Variants in ARHGAP24 observed in about 807,000 individuals in gnomAD.
ARHGAP24 encodes rho GTPase-activating protein 24.
Under a neutral mutation model 76.4 loss-of-function variants are expected in ARHGAP24, and 50 were observed. That is an observed-to-expected ratio of 0.65 (90% confidence interval 0.52 to 0.83). The LOEUF (loss-of-function observed/expected upper bound fraction) is 0.83. ARHGAP24 is among the 40% of genes least tolerant of loss of function. The pLI is 0.00. For synonymous variants in ARHGAP24, 345 were observed against 323.3 expected (o/e 1.07, Z -0.72); for missense variants, 930 against 914.2 (o/e 1.02, Z -0.22).
At chr4:85,968,091 G>T (rs893928485) in intron 5 of ARHGAP24, among the ~76,000 whole-genome samples, 2 of 151,892 alleles carry the variant, frequency 1.3e-5, no homozygotes, top group African/African-American at 4.8e-5. Context: ...ACTGAGTTAG[G>T]TTGCAGTTAG....
chr4:85,759,588 A>G (rs1433749616), intron 3 of ARHGAP24, among the ~76,000 whole-genome samples: 1 of 152,192 alleles, frequency 6.6e-6, no homozygotes, highest in East Asian at 1.9e-4. Flanking sequence ...ACCGAGTCAC[A>G]TGATCAGAAT....
intron 3 of ARHGAP24, among the ~76,000 whole-genome samples, chr4:85,882,842 C>A (rs937816031): frequency 6.6e-6 from 1 of 152,032 alleles, no homozygotes; most frequent in African/African-American, 2.4e-5. Context: ...CTAACAAGAA[C>A]CAAACAGGAC....
intron 1 of ARHGAP24, among the ~76,000 whole-genome samples, chr4:85,536,407 T>C (rs1463153665): frequency 6.6e-6 from 1 of 152,154 alleles, no homozygotes; most frequent in Admixed American, 6.5e-5. Context: ...AATGATTTTC[T>C]TTTCAGATGA....
intron 3 of ARHGAP24, among the ~76,000 whole-genome samples, chr4:85,921,528 TTAAAA>T (rs1578390269): frequency 8.4e-6 from 1 of 119,672 alleles, no homozygotes; most frequent in Non-Finnish European, 1.7e-5. Flanking sequence ...ATCCCTGAAC[TTAAAA>T]TAAAAGTTTT....
intron 3 of ARHGAP24, among the ~76,000 whole-genome samples, chr4:85,838,825 A>C (rs1260359323): frequency 1.3e-5 from 2 of 151,660 alleles, no homozygotes. Context: ...TAACTTTGCC[A>C]AACACCTGCT....
At chr4:85,668,208 A>G (rs542728727) in intron 2 of ARHGAP24, among the ~76,000 whole-genome samples, 1 of 152,250 alleles carries the variant, frequency 6.6e-6, no homozygotes, top group Admixed American at 6.5e-5. Context: ...TAGTTGGTTT[A>G]CTCTAATACT....
intron 2 of ARHGAP24, among the ~76,000 whole-genome samples, chr4:85,658,480 A>T (rs980479862): frequency 1.3e-5 from 2 of 152,188 alleles, no homozygotes; most frequent in African/African-American, 2.4e-5. Context: ...ATATTTTCAT[A>T]AATATTATTT....
At chr4:85,837,526 C>CA (rs888056834) in intron 3 of ARHGAP24, among the ~76,000 whole-genome samples, 75 of 149,648 alleles carry the variant, frequency 5.0e-4, no homozygotes, top group South Asian at 1.7e-3. Flanking sequence ...AAGAGAAAAA[C>CA]AAAAAAAAAC....
At chr4:85,686,078 G>A (rs1312172755) in intron 2 of ARHGAP24, among the ~76,000 whole-genome samples, 1 of 152,228 alleles carries the variant, frequency 6.6e-6, no homozygotes, top group Non-Finnish European at 1.5e-5. Context: ...TCTCAGGATA[G>A]TTGGTAGTTT....
chr4:85,580,976 T>G (rs985673097), intron 2 of ARHGAP24, among the ~76,000 whole-genome samples: 1 of 152,194 alleles, frequency 6.6e-6, no homozygotes. Flanking sequence ...TACTCTTATA[T>G]TTTTGAAACT....
chr4:85,864,273 CT>C (rs1379667035), intron 3 of ARHGAP24, among the ~76,000 whole-genome samples: 3 of 152,066 alleles, frequency 2.0e-5, no homozygotes, highest in African/African-American at 7.2e-5. Context: ...CATGGCCTTG[CT>C]GTCTGCCTAA....
intron 3 of ARHGAP24, among the ~76,000 whole-genome samples, chr4:85,912,341 A>G (rs1026490165): frequency 2.0e-5 from 3 of 152,164 alleles, no homozygotes; most frequent in Non-Finnish European, 4.4e-5. Context: ...GCTCTCCCAC[A>G]CATATACACT....
At chr4:85,871,515 A>G (rs906161735) in intron 3 of ARHGAP24, among the ~76,000 whole-genome samples, 2 of 152,186 alleles carry the variant, frequency 1.3e-5, no homozygotes, top group African/African-American at 2.4e-5. Context: ...TCCTTAAACT[A>G]CATACACATA....
At chr4:85,539,120 A>T (rs188784334) in intron 1 of ARHGAP24, among the ~76,000 whole-genome samples, 13 of 152,182 alleles carry the variant, frequency 8.5e-5, no homozygotes, top group Admixed American at 7.2e-4. Context: ...AGCTTTGCAC[A>T]GTCTCTAAGA....
chr4:85,919,097 A>G (rs1735577667), intron 3 of ARHGAP24, among the ~76,000 whole-genome samples: 1 of 152,044 alleles, frequency 6.6e-6, no homozygotes, highest in Non-Finnish European at 1.5e-5. Flanking sequence ...AGACTGGGAA[A>G]CTCTCACCAC....
At chr4:85,616,419 ACT>A (rs1475816566) in intron 2 of ARHGAP24, among the ~76,000 whole-genome samples, 2 of 152,060 alleles carry the variant, frequency 1.3e-5, no homozygotes, top group Admixed American at 6.6e-5. Context: ...TGATCTTATG[ACT>A]CTCTTATTTA....
At chr4:85,564,516 A>G (rs1202847892) in intron 1 of ARHGAP24, among the ~76,000 whole-genome samples, 1 of 151,950 alleles carries the variant, frequency 6.6e-6, no homozygotes, top group East Asian at 1.9e-4. Context: ...TGTTGTGCAC[A>G]TGGATCCTAG....
intron 3 of ARHGAP24, among the ~76,000 whole-genome samples, chr4:85,825,640 T>TA (rs552753555): frequency 3.0e-4 from 46 of 152,338 alleles, no homozygotes; most frequent in African/African-American, 1.1e-3. Flanking sequence ...GGACCCAATT[T>TA]AAAAAATAAG....
chr4:85,852,978 C>T (rs924100093), intron 3 of ARHGAP24, among the ~76,000 whole-genome samples: 1 of 152,186 alleles, frequency 6.6e-6, no homozygotes, highest in Non-Finnish European at 1.5e-5. Context: ...GCTCAAACAC[C>T]GTGCTGGGAG....
Sources: gnomAD v4.1 joint callset for allele counts (sites outside exome capture counted in the v4.1 genomes callset) on GRCh38, gnomAD v4.1.1 for gene constraint, MANE v1.5 for transcripts, NCBI Gene and HGNC (gene_info 2026-07-23, HGNC 2026-07-21) for gene names.